TRHDE: variants seen among roughly 807,000 people sequenced by gnomAD.
TRHDE encodes the protein thyrotropin releasing hormone degrading enzyme.
Under a neutral mutation model 125.7 loss-of-function variants are expected in TRHDE, and 72 were observed. The ratio of observed to expected loss-of-function variants is 0.57; its 90% CI spans 0.47 to 0.70. The LOEUF is 0.70. Among genes scored for constraint, TRHDE ranks in the 30% least tolerant of loss-of-function variants. The pLI is 0.00. For synonymous variants in TRHDE, 509 were observed against 509.1 expected (o/e 1.00, Z 0.00); for missense variants, 1,110 against 1,327.1 (o/e 0.84, Z 2.54).
intron 9 of TRHDE, among the ~76,000 whole-genome samples, chr12:72,564,239 C>G (rs1005081892): frequency 6.6e-6 from 1 of 152,154 alleles, no homozygotes; most frequent in Non-Finnish European, 1.5e-5. Context: ...TAGGGGCTGA[C>G]TCTGTCAATG....
chr12:72,312,385 A>T (rs1868586733), intron 2 of TRHDE, among the ~76,000 whole-genome samples: 1 of 152,262 alleles, frequency 6.6e-6, no homozygotes, highest in South Asian at 2.1e-4. Context: ...ATAGGAGGTT[A>T]GAACAACTTA....
chr12:72,602,193 C>T (rs1872237082), intron 12 of TRHDE, among the ~76,000 whole-genome samples: 1 of 151,930 alleles, frequency 6.6e-6, no homozygotes, highest in Admixed American at 6.6e-5. Context: ...ACATCAATGT[C>T]TAATAACAAC....
chr12:72,633,369 T>G (rs996460231), intron 15 of TRHDE, among the ~76,000 whole-genome samples: 1 of 152,098 alleles, frequency 6.6e-6, no homozygotes, highest in Non-Finnish European at 1.5e-5. Context: ...TCAGATAATT[T>G]TAAATACATT....
intron 15 of TRHDE, among the ~76,000 whole-genome samples, chr12:72,648,484 A>G (rs1055741319): frequency 6.6e-6 from 1 of 152,198 alleles, no homozygotes; most frequent in Non-Finnish European, 1.5e-5. Context: ...ACATGATCTC[A>G]TATGTTGAAA....
At chr12:72,292,121 G>A (rs1476848535) in intron 2 of TRHDE, among the ~76,000 whole-genome samples, 3 of 152,168 alleles carry the variant, frequency 2.0e-5, no homozygotes, top group Non-Finnish European at 4.4e-5. Flanking sequence ...ATTCTTAGAT[G>A]CTCTTTTATT....
chr12:72,416,467 A>G (rs1565733268), intron 3 of TRHDE, among the ~76,000 whole-genome samples: 1 of 151,940 alleles, frequency 6.6e-6, no homozygotes, highest in African/African-American at 2.4e-5. Context: ...ACCCACACCA[A>G]TGTCCTGGAG....
At position 72,363,786 on chromosome 12, in the gene TRHDE, G is replaced by A. The variant is rs184878686; in HGVS notation, c.1189-14209G>A. ...TTCTAGCCAGGGCAATGAGGCAGGA[G>A]AAGGAAATAAAGGGTATTCAATTAG... On this transcript the variant is annotated intron_variant, in intron 2 of 18. Coordinates refer to ENST00000261180, the MANE Select transcript of TRHDE (RefSeq NM_013381.3). Among the ~76,000 whole-genome samples the A allele has an allele frequency of 3.3e-5, 5 of 152,174 alleles. No individual in the cohort carries two copies. The East Asian group carries it at 7.8e-4, about 24-fold the overall frequency.
intron 3 of TRHDE, among the ~76,000 whole-genome samples, chr12:72,461,122 G>T (rs1876109212): frequency 6.6e-6 from 1 of 152,202 alleles, no homozygotes; most frequent in Non-Finnish European, 1.5e-5. Flanking sequence ...GAACTTGTAA[G>T]CTAAGCTTCT....
At chr12:72,456,128 TACACACACACAC>T (rs58045175) in intron 3 of TRHDE, among the ~76,000 whole-genome samples, 12,818 of 134,754 alleles carry the variant, frequency 0.095, 728 homozygotes, top group African/African-American at 0.15. Context: ...AATATGTAAT[TACACACACACAC>T]ACACACACAC....
In TRHDE at chr12:72,621,094, T is replaced by A; in HGVS notation, c.2470-14T>A. On this transcript the variant is annotated splice_polypyrimidine_tract_variant and intron_variant, in intron 13 of 18. Transcript: ENST00000261180. ...AAACTGACCTTATCTTTATTTATTC[T>A]ATACCCCATTTAGGAATATATTTTA... 1 of 1,480,436 alleles carries A rather than the reference T, an allele frequency of 6.8e-7. No individual in the cohort carries two copies. Among genetic ancestry groups the A allele is most frequent in the Non-Finnish European group, 9.4e-7 (1 of 1,062,116 alleles). The allele number at this position is 1,480,436 out of a possible 1,614,324, so 91.7% of individuals were successfully genotyped here.
At chr12:72,607,891 C>T (rs1341799744) in intron 12 of TRHDE, among the ~76,000 whole-genome samples, 1 of 152,096 alleles carries the variant, frequency 6.6e-6, no homozygotes, top group Non-Finnish European at 1.5e-5. Context: ...CACTAGAATA[C>T]ACTCTCAAAA....
intron 2 of TRHDE, among the ~76,000 whole-genome samples, chr12:72,372,492 A>G (rs1440031600): frequency 1.3e-5 from 2 of 152,174 alleles, no homozygotes; most frequent in Non-Finnish European, 2.9e-5. Flanking sequence ...GGTAATGCCT[A>G]GGTTTTCTTC....
In TRHDE at chr12:72,667,369, T is replaced by C. The variant is rs1875146572; in HGVS notation, c.*4174T>C. ...GATAATTATCAGAGATAATTTTTCA[T>C]TATCAGAGATCATAGCTGAATTATC... is the stretch of plus-strand genomic sequence containing the variant. On this transcript the variant is annotated 3_prime_UTR_variant, in exon 19 of 19. Transcript: ENST00000261180. 1 of 151,792 alleles carries C rather than the reference T, an allele frequency of 6.6e-6. No homozygotes were observed. Among genetic ancestry groups the C allele is most frequent in the Non-Finnish European group, 1.5e-5 (1 of 67,826 alleles). 9.4% of individuals were successfully genotyped at this position (151,792 alleles called of 1,614,324 possible).
intron 3 of TRHDE, among the ~76,000 whole-genome samples, chr12:72,420,891 A>G (rs1364269850): frequency 6.6e-6 from 1 of 152,184 alleles, no homozygotes; most frequent in East Asian, 1.9e-4. Flanking sequence ...GACTTTTCAT[A>G]CACATAGCAT....
rs1352802394 is a variant in TRHDE at position 72,663,676 on chromosome 12, A to G, written c.*481A>G. ...ATTATATATGACAATCAGTATTGCAATGAAAGAAAAACTAAAAACAGAAAT... is the reference window on the plus strand; with the variant it reads ...ATTATATATGACAATCAGTATTGCAGTGAAAGAAAAACTAAAAACAGAAAT... On this transcript the variant is annotated 3_prime_UTR_variant, in exon 19 of 19. Coordinates refer to ENST00000261180, the MANE Select transcript of TRHDE (RefSeq NM_013381.3). 4 of 152,630 alleles carry G rather than the reference A, an allele frequency of 2.6e-5. No homozygotes were observed. The highest frequency in any genetic ancestry group is 7.2e-5 in the African/African-American group (3 of 41,456). 9.5% of individuals were successfully genotyped at this position (152,630 alleles called of 1,614,324 possible).
chr12:72,407,291 G>A (rs1279086248), intron 3 of TRHDE, among the ~76,000 whole-genome samples: 1 of 152,192 alleles, frequency 6.6e-6, no homozygotes. Flanking sequence ...TTGAACTGAG[G>A]TCTGACTCCT....
intron 2 of TRHDE, among the ~76,000 whole-genome samples, chr12:72,264,977 G>A (rs544303234): frequency 6.6e-6 from 1 of 151,070 alleles, no homozygotes; most frequent in East Asian, 1.9e-4. Flanking sequence ...ATTTTCAAGA[G>A]TTAATAATTG....
intron 5 of TRHDE, among the ~76,000 whole-genome samples, chr12:72,491,979 AC>A (rs1255239155): frequency 6.6e-6 from 1 of 151,990 alleles, no homozygotes; most frequent in Non-Finnish European, 1.5e-5. Flanking sequence ...AAACAAACAA[AC>A]TTTTCAGTAG....
intron 15 of TRHDE, among the ~76,000 whole-genome samples, chr12:72,637,521 T>C (rs1416603756): frequency 6.6e-6 from 1 of 152,136 alleles, no homozygotes; most frequent in African/African-American, 2.4e-5. Context: ...TGCTCTGATT[T>C]TAGTTATTTC....
Sources: gnomAD v4.1 joint callset for allele counts (sites outside exome capture counted in the v4.1 genomes callset) on GRCh38, gnomAD v4.1.1 for gene constraint, MANE v1.5 for transcripts, NCBI Gene and HGNC (gene_info 2026-07-23, HGNC 2026-07-21) for gene names.